SPATS1: variants seen among roughly 807,000 people sequenced by gnomAD.
The protein encoded by SPATS1 is spermatogenesis associated serine rich 1.
Under a neutral mutation model 33.6 loss-of-function variants are expected in SPATS1, and 23 were observed. That is an observed-to-expected ratio of 0.68 (90% CI 0.49 to 0.97). SPATS1 has a LOEUF of 0.97. Ranked by LOEUF, SPATS1 falls within the 50% of genes least tolerant of loss-of-function variation. SPATS1 has a pLI of 0.00. For missense variants in SPATS1, 327 were observed against 361.0 expected, an observed-to-expected ratio of 0.91 and a Z score of 0.76; for synonymous variants, 131 against 125.6, an observed-to-expected ratio of 1.04 and a Z score of -0.29.
chr6:44,348,532 C>T (rs1009533156), intron 2 of SPATS1, among the ~76,000 whole-genome samples: 5 of 151,858 alleles, frequency 3.3e-5, no homozygotes, highest in African/African-American at 1.2e-4. Context: ...TATAATCCAT[C>T]AATTCTTGGA....
At chr6:44,372,031 G>A (rs915359113) in intron 7 of SPATS1, among the ~76,000 whole-genome samples, 5 of 151,782 alleles carry the variant, frequency 3.3e-5, no homozygotes, top group Non-Finnish European at 2.9e-5. Context: ...GCCGAGGCAG[G>A]CAGATTGAGG....
chr6:44,359,981 G>A (rs1021613447), intron 3 of SPATS1, among the ~76,000 whole-genome samples: 10 of 152,110 alleles, frequency 6.6e-5, no homozygotes, highest in African/African-American at 9.7e-5. Flanking sequence ...CTTTTTGGCT[G>A]TTGTGAATAA....
intron 3 of SPATS1, among the ~76,000 whole-genome samples, chr6:44,354,419 ATTAG>A (rs1229839326): frequency 6.6e-6 from 1 of 152,086 alleles, no homozygotes; most frequent in Non-Finnish European, 1.5e-5. Flanking sequence ...ACATTTTGAT[ATTAG>A]TTTTTTATAT....
At chr6:44,358,022 G>T (rs1439082947) in intron 3 of SPATS1, among the ~76,000 whole-genome samples, 2 of 152,142 alleles carry the variant, frequency 1.3e-5, no homozygotes, top group African/African-American at 4.8e-5. Flanking sequence ...ATAAGCAGAG[G>T]AGAGTGACAG....
rs532688409 is a variant in SPATS1 at position 44,378,698 on chromosome 6, G to T, written c.*1635G>T. ...AGGCAGGAGAATCTCTTGAACCCAG[G>T]AGGCAGAGGTTGCAGTGAGCCAAGA... is the stretch of plus-strand genomic sequence containing the variant. On this transcript the variant is annotated 3_prime_UTR_variant, in exon 9 of 9. Transcript: ENST00000674044. 1 of 152,452 alleles carries T rather than the reference G, an allele frequency of 6.6e-6. No homozygotes were observed. The highest frequency in any genetic ancestry group is 2.4e-5 in the African/African-American group (1 of 41,556). 9.4% of individuals were successfully genotyped at this position (152,452 alleles called of 1,614,324 possible). A position where few individuals can be genotyped will look rare whatever the true frequency, so the allele number is the denominator to read the frequency against.
chr6:44,351,588 C>G (rs1178037798), intron 2 of SPATS1, among the ~76,000 whole-genome samples: 2 of 152,114 alleles, frequency 1.3e-5, no homozygotes, highest in Non-Finnish European at 2.9e-5. Flanking sequence ...ATCTTTTCAT[C>G]GGACTTTTTA....
intron 6 of SPATS1, 27 bp downstream of exon 6, chr6:44,368,526 T>C: frequency 6.3e-7 from 1 of 1,592,434 alleles, no homozygotes; most frequent in Non-Finnish European, 8.6e-7. Flanking sequence ...ACTAGCATTA[T>C]ATAGTTAACT....
intron 4 of SPATS1, 104 bp from the exon 5 acceptor site, chr6:44,361,727 T>A: frequency 6.8e-7 from 1 of 1,462,490 alleles, no homozygotes; most frequent in Non-Finnish European, 9.5e-7. Context: ...TAATTAAAGT[T>A]ATATAGCCAG....
chr6:44,370,215 G>C, intron 7 of SPATS1, 102 bp downstream of exon 7: 15 of 1,091,746 alleles, frequency 1.4e-5, no homozygotes, highest in Non-Finnish European at 1.6e-5. Context: ...CAGGACACAG[G>C]GCCCTTTTGA....
chr6:44,370,995 T>TC (rs71305777), intron 7 of SPATS1, among the ~76,000 whole-genome samples: 7 of 150,318 alleles, frequency 4.7e-5, no homozygotes, highest in African/African-American at 1.5e-4. Flanking sequence ...TTTTTTTTTT[T>TC]CTTGAAGTAC....
chr6:44,373,935 CAT>C (rs1484190933), intron 7 of SPATS1, among the ~76,000 whole-genome samples: 1 of 152,160 alleles, frequency 6.6e-6, no homozygotes, highest in Non-Finnish European at 1.5e-5. Flanking sequence ...TTTCAAGGCT[CAT>C]TGTCTATTGT....
chr6:44,374,320 G>C (rs1789804327), intron 7 of SPATS1, among the ~76,000 whole-genome samples: 1 of 152,222 alleles, frequency 6.6e-6, no homozygotes, highest in Non-Finnish European at 1.5e-5. Context: ...GTTAGTGTGA[G>C]AGTTAAGGTG....
At chr6:44,373,418 G>A (rs982992466) in intron 7 of SPATS1, among the ~76,000 whole-genome samples, 7 of 152,154 alleles carry the variant, frequency 4.6e-5, no homozygotes, top group African/African-American at 1.4e-4. Context: ...TAAGTCAGGA[G>A]AGTAAATCTG....
At chr6:44,343,451 C>A (rs1787687252) in intron 2 of SPATS1, 1 of 653,680 alleles carries the variant, frequency 1.5e-6, no homozygotes, top group African/African-American at 1.8e-5. Context: ...TCATAAATTA[C>A]CTCACTGGAT....
At position 44,361,931 on chromosome 6, in the gene SPATS1, C is replaced by T. The variant is rs751623053; in HGVS notation, c.513C>T (p.Leu171=). ...AGTGCTTCTTTAATGGAGTCTTCCT[C>T]GGCAACAAGAGGTCTCTATCAGAGA... ...GKQCFFNGVF[L]GNKRSLSERT... is the part of the protein sequence containing the mutation. The change falls in exon 5 of 9, where the codon CTC becomes CTT. Residue 171 remains leucine (L), a synonymous_variant. Coordinates refer to ENST00000674044, the MANE Select transcript of SPATS1 (RefSeq NM_001372081.1). 9 of 1,614,222 alleles carry T rather than the reference C, an allele frequency of 5.6e-6. No individual in the cohort carries two copies. The highest frequency in any genetic ancestry group is 2.2e-5 in the East Asian group (1 of 44,890).
At chr6:44,342,830 CG>C in intron 1 of SPATS1, 62 bp downstream of exon 1, 1 of 1,095,664 alleles carries the variant, frequency 9.1e-7, no homozygotes, top group Non-Finnish European at 1.3e-6. Flanking sequence ...GGGAAGACCC[CG>C]AGGTGGAAAA....
At chr6:44,375,872 G>A (rs565694408) in intron 7 of SPATS1, among the ~76,000 whole-genome samples, 22 of 152,050 alleles carry the variant, frequency 1.4e-4, no homozygotes, top group African/African-American at 4.3e-4. Flanking sequence ...TTGGGAGGCC[G>A]AGGCAGGTGG....
intron 2 of SPATS1, among the ~76,000 whole-genome samples, chr6:44,344,762 C>A (rs1407291382): frequency 6.6e-6 from 1 of 152,128 alleles, no homozygotes; most frequent in Non-Finnish European, 1.5e-5. Flanking sequence ...GACTTTCTTC[C>A]AAATTCTCTT....
In SPATS1 at chr6:44,374,640, TTC is replaced by T. The variant is rs528799106; in HGVS notation, c.759-1716_759-1715del. ...ATTAGACTGATATATTTGATTTCAG[TTC>T]TGTTACATTATTTGTTACATTTATT... On this transcript the variant is annotated intron_variant, in intron 7 of 8. Coordinates refer to ENST00000674044, the MANE Select transcript of SPATS1 (RefSeq NM_001372081.1). Among the ~76,000 whole-genome samples the T allele has an allele frequency of 3.6e-3, 551 of 152,388 alleles. 2 individuals are homozygous for T. Among genetic ancestry groups the T allele is most frequent in the Middle Eastern group, 0.024 (7 of 294 alleles).
Sources: gnomAD v4.1 joint callset for allele counts (sites outside exome capture counted in the v4.1 genomes callset) on GRCh38, gnomAD v4.1.1 for gene constraint, MANE v1.5 for transcripts, NCBI Gene and HGNC (gene_info 2026-07-23, HGNC 2026-07-21) for gene names.